The following MALRD1 variants were observed in gnomAD, a reference collection of about 807,000 sequenced individuals.
MALRD1 encodes the protein MAM and LDL receptor class A domain containing 1, also known as MAM and LDL-receptor class A domain-containing protein 1.
MALRD1 carries 247 observed loss-of-function variants against 242.1 expected under a neutral mutation model. The observed-to-expected ratio is 1.02, with a 90% CI of 0.92 to 1.13. The LOEUF is 1.13. Among genes scored for constraint, MALRD1 ranks in the 50% most tolerant of loss-of-function variants. The pLI is 0.00. For missense variants in MALRD1, 2,989 were observed against 2,533.1 expected, an observed-to-expected ratio of 1.18 and a Z score of -3.86; for synonymous variants, 995 against 866.6, an observed-to-expected ratio of 1.15 and a Z score of -2.60.
intron 33 of MALRD1, among the ~76,000 whole-genome samples, chr10:19,581,708 G>A (rs1837135441): frequency 6.7e-6 from 1 of 150,366 alleles, no homozygotes; most frequent in South Asian, 2.1e-4. Context: ...ATAGCAGCAT[G>A]ATTTATAGTC....
At chr10:19,330,357 A>G (rs994101763) in intron 23 of MALRD1, among the ~76,000 whole-genome samples, 2 of 151,966 alleles carry the variant, frequency 1.3e-5, no homozygotes, top group Admixed American at 1.3e-4. Flanking sequence ...GAAAAAAAAA[A>G]CTATAATTAT....
At chr10:19,574,942 G>C (rs1457746920) in intron 33 of MALRD1, among the ~76,000 whole-genome samples, 1 of 152,158 alleles carries the variant, frequency 6.6e-6, no homozygotes, top group Non-Finnish European at 1.5e-5. Flanking sequence ...TTGAATTTAA[G>C]TTTGCCATTC....
chr10:19,441,290 T>C (rs1317140255), intron 28 of MALRD1, among the ~76,000 whole-genome samples: 2 of 152,196 alleles, frequency 1.3e-5, no homozygotes, highest in African/African-American at 4.8e-5. Context: ...TTCTGTAGAT[T>C]GCCTGTTCAC....
intron 12 of MALRD1, among the ~76,000 whole-genome samples, chr10:19,161,550 C>CAAAAAAAAAAA: frequency 8.2e-5 from 5 of 60,842 alleles, no homozygotes; most frequent in Admixed American, 2.0e-4. Flanking sequence ...AAAAAAAAAG[C>CAAAAAAAAAAA]AAAAAAAAAA....
intron 13 of MALRD1, among the ~76,000 whole-genome samples, chr10:19,166,631 T>C (rs1179406236): frequency 6.6e-6 from 1 of 152,184 alleles, no homozygotes; most frequent in Admixed American, 6.5e-5. Context: ...GTATCCCAAT[T>C]ACCTTTATTT....
At chr10:19,233,230 G>C (rs989756431) in intron 18 of MALRD1, among the ~76,000 whole-genome samples, 3 of 152,092 alleles carry the variant, frequency 2.0e-5, no homozygotes, top group Non-Finnish European at 2.9e-5. Context: ...GGCTGGGCGC[G>C]GTGGCTCACG....
At chr10:19,442,761 G>T (rs920345685) in intron 28 of MALRD1, among the ~76,000 whole-genome samples, 5 of 152,154 alleles carry the variant, frequency 3.3e-5, no homozygotes, top group Non-Finnish European at 7.3e-5. Flanking sequence ...GTTCATCAGA[G>T]ATATTTTTCT....
chr10:19,351,774 T>A (rs767711907), intron 25 of MALRD1, among the ~76,000 whole-genome samples: 6 of 152,146 alleles, frequency 3.9e-5, no homozygotes, highest in Non-Finnish European at 8.8e-5. Context: ...TAATTCCTAC[T>A]AAATTTCTAT....
At chr10:19,372,642 A>G (rs1297128510) in intron 26 of MALRD1, among the ~76,000 whole-genome samples, 1 of 151,318 alleles carries the variant, frequency 6.6e-6, no homozygotes, top group Non-Finnish European at 1.5e-5. Flanking sequence ...TAATTTTTGT[A>G]TTTTTAGTAG....
intron 24 of MALRD1, among the ~76,000 whole-genome samples, chr10:19,335,661 A>T (rs1843573909): frequency 6.6e-6 from 1 of 152,158 alleles, no homozygotes; most frequent in African/African-American, 2.4e-5. Flanking sequence ...TGTTTTGAGA[A>T]TTCTAAGTAA....
rs546978247 is a variant in MALRD1 at position 19,402,686 on chromosome 10, T to C, written c.4845+13077T>C. On this transcript the variant is annotated intron_variant, in intron 28 of 39. Coordinates refer to ENST00000454679, the MANE Select transcript of MALRD1 (RefSeq NM_001142308.3). ...GTTATTCCCTTAAAATCTTTCTTAA[T>C]AAGCCAGGGTAACCACATATTATTA... Among the ~76,000 whole-genome samples the C allele has an allele frequency of 1.3e-4, 20 of 152,308 alleles. No homozygotes were observed. The South Asian group carries it at 2.1e-3, about 16-fold the overall frequency.
intron 1 of MALRD1, among the ~76,000 whole-genome samples, chr10:19,060,881 G>T (rs189604888): frequency 6.6e-6 from 1 of 152,282 alleles, no homozygotes; most frequent in East Asian, 1.9e-4. Context: ...CATGGAATCA[G>T]CCTAAATGCC....
At chr10:19,552,093 A>T (rs1436691272) in intron 32 of MALRD1, among the ~76,000 whole-genome samples, 1 of 152,104 alleles carries the variant, frequency 6.6e-6, no homozygotes, top group Non-Finnish European at 1.5e-5. Flanking sequence ...TATCAGGATG[A>T]TGCTGGCCTC....
At chr10:19,130,255 A>T (rs1833049521) in intron 8 of MALRD1, among the ~76,000 whole-genome samples, 1 of 152,066 alleles carries the variant, frequency 6.6e-6, no homozygotes. Context: ...AAGAGAGAAA[A>T]AATTTAACTG....
chr10:19,205,374 A>C, intron 17 of MALRD1, 109 bp downstream of exon 17: 1 of 1,281,402 alleles, frequency 7.8e-7, no homozygotes, highest in Non-Finnish European at 1.0e-6. Context: ...CATAGCTCCA[A>C]AGCTGATGAA....
intron 31 of MALRD1, among the ~76,000 whole-genome samples, chr10:19,519,239 A>G (rs370941985): frequency 1.3e-5 from 2 of 151,364 alleles, no homozygotes; most frequent in South Asian, 4.2e-4. Context: ...TATTTACACT[A>G]TGAATATCAG....
intron 28 of MALRD1, among the ~76,000 whole-genome samples, chr10:19,439,668 G>A (rs1384895797): frequency 6.6e-6 from 1 of 152,010 alleles, no homozygotes; most frequent in Non-Finnish European, 1.5e-5. Flanking sequence ...TGAAAATACA[G>A]TTTTATTTCT....
chr10:19,198,011 C>T (rs1836343797), intron 14 of MALRD1, among the ~76,000 whole-genome samples: 1 of 152,168 alleles, frequency 6.6e-6, no homozygotes, highest in Non-Finnish European at 1.5e-5. Context: ...TTATGAATTT[C>T]CCACACTAGA....
At chr10:19,524,886 T>G (rs1421557427) in intron 31 of MALRD1, among the ~76,000 whole-genome samples, 1 of 142,804 alleles carries the variant, frequency 7.0e-6, no homozygotes, top group Non-Finnish European at 1.5e-5. Flanking sequence ...TTTATTTTAT[T>G]TTTTAAATTT....
Sources: allele counts gnomAD v4.1 joint callset (sites outside exome capture counted in the v4.1 genomes callset), GRCh38; gene constraint gnomAD v4.1.1; transcripts MANE v1.5; gene names NCBI Gene and HGNC (gene_info 2026-07-23, HGNC 2026-07-21).